Variants in RFFL observed in about 807,000 individuals in gnomAD.
RFFL encodes E3 ubiquitin-protein ligase rififylin.
RFFL carries 16 observed loss-of-function variants against 40.4 expected under a neutral mutation model. That is an observed-to-expected ratio of 0.40 (90% CI 0.27 to 0.60). The LOEUF is 0.60. RFFL is among the 20% of genes least tolerant of loss of function. The pLI, the probability that RFFL is intolerant of heterozygous loss-of-function variation, is 0.47. For synonymous variants in RFFL, 154 were observed against 167.9 expected (o/e 0.92, Z 0.64); for missense variants, 367 against 451.7 (o/e 0.81, Z 1.70).
At chr17:35,069,283 G>T in intron 1 of RFFL, 1 of 456,644 alleles carries the variant, frequency 2.2e-6, no homozygotes, top group South Asian at 1.5e-5. Context: ...AATGCCCCAA[G>T]ATTAACTTAC....
intron 1 of RFFL, among the ~76,000 whole-genome samples, chr17:35,078,405 C>T (rs190588360): frequency 8.5e-5 from 13 of 152,262 alleles, no homozygotes; most frequent in Admixed American, 7.2e-4. Context: ...TGGACTCAAG[C>T]AATCCTCCCA....
intron 1 of RFFL, among the ~76,000 whole-genome samples, chr17:35,039,965 G>A (rs1012319690): frequency 3.3e-5 from 5 of 151,890 alleles, no homozygotes; most frequent in South Asian, 2.1e-4. Flanking sequence ...ATGAGCCACC[G>A]CATCTGGCCG....
chr17:35,071,620 C>CA (rs879638343), intron 1 of RFFL, among the ~76,000 whole-genome samples: 248 of 132,656 alleles, frequency 1.9e-3, no homozygotes, highest in African/African-American at 4.1e-3. Flanking sequence ...AGACACTGTC[C>CA]AAAAAAAAAA....
Position 35,012,168 on chromosome 17 carries a change from C to G in RFFL, c.911-19G>C, listed in dbSNP as rs1406394701. The G allele has an allele frequency of 6.2e-7, 1 of 1,602,218 alleles. No homozygotes were observed. The highest frequency in any genetic ancestry group is 1.4e-5 in the African/African-American group (1 of 74,052). ...GCTCCCCCTGTACAAACACACAGGG[C>G]AGAAAAAAAGGGGCAGAGGAGTGAG... On this transcript the variant is annotated intron_variant, in intron 6 of 6. Coordinates refer to ENST00000394597, the MANE Select transcript of RFFL (RefSeq NM_001017368.2).
intron 1 of RFFL, among the ~76,000 whole-genome samples, chr17:35,028,423 T>C (rs2091058046): frequency 6.6e-6 from 1 of 152,088 alleles, no homozygotes; most frequent in Admixed American, 6.5e-5. Context: ...TGATGATTTT[T>C]ACGATCACAA....
intron 1 of RFFL, among the ~76,000 whole-genome samples, chr17:35,049,752 C>T (rs1320719660): frequency 6.6e-6 from 1 of 152,096 alleles, no homozygotes; most frequent in South Asian, 2.1e-4. Context: ...AAAAGATAGG[C>T]TAAAAATTCT....
intron 1 of RFFL, among the ~76,000 whole-genome samples, chr17:35,080,831 T>C (rs1000671875): frequency 6.6e-6 from 1 of 152,240 alleles, no homozygotes; most frequent in African/African-American, 2.4e-5. Context: ...TAGAAACAAG[T>C]GACTGTCCCA....
At chr17:35,087,786 T>C (rs553351228) in intron 1 of RFFL, among the ~76,000 whole-genome samples, 30 of 152,368 alleles carry the variant, frequency 2.0e-4, no homozygotes, top group African/African-American at 6.7e-4. Flanking sequence ...AATTCAGAAT[T>C]AGGAAATATA....
intron 1 of RFFL, among the ~76,000 whole-genome samples, chr17:35,057,873 T>C (rs949541594): frequency 6.6e-6 from 1 of 151,946 alleles, no homozygotes; most frequent in African/African-American, 2.4e-5. Context: ...ACTTATTCAT[T>C]CAACAAGTAC....
intron 1 of RFFL, among the ~76,000 whole-genome samples, chr17:35,034,244 A>G (rs1304276955): frequency 6.6e-6 from 1 of 152,106 alleles, no homozygotes; most frequent in East Asian, 1.9e-4. Flanking sequence ...CTGAGGACAG[A>G]GGATCACTTG....
intron 1 of RFFL, among the ~76,000 whole-genome samples, chr17:35,053,446 T>C (rs1038137746): frequency 1.1e-4 from 17 of 152,254 alleles, no homozygotes; most frequent in Middle Eastern, 3.4e-3. Context: ...ATACTAGAGA[T>C]AGGTGACACA....
intron 2 of RFFL, among the ~76,000 whole-genome samples, chr17:35,023,020 C>T (rs1396011241): frequency 1.3e-5 from 2 of 152,220 alleles, no homozygotes; most frequent in Admixed American, 1.3e-4. Context: ...AGCACAGTGA[C>T]ATCCGGCTGA....
chr17:35,063,804 G>A (rs2091307518), upstream of RFFL: 1 of 152,234 alleles, frequency 6.6e-6, no homozygotes, highest in African/African-American at 2.4e-5. Flanking sequence ...GGCAAAATTT[G>A]TACTTCCCAA....
chr17:35,065,493 T>C (rs1183309303), upstream of RFFL, among the ~76,000 whole-genome samples: 7 of 147,978 alleles, frequency 4.7e-5, no homozygotes, highest in East Asian at 1.4e-3. Context: ...GAGGCAGAGG[T>C]TGCAGTCAGC....
intron 1 of RFFL, among the ~76,000 whole-genome samples, chr17:35,050,640 T>G (rs922594431): frequency 6.7e-6 from 1 of 148,798 alleles, no homozygotes; most frequent in Non-Finnish European, 1.5e-5. Context: ...ATTACAGGCA[T>G]GAGCCACTCC....
At chr17:35,067,956 T>C (rs1001794185), upstream of RFFL, among the ~76,000 whole-genome samples, 2 of 152,206 alleles carry the variant, frequency 1.3e-5, no homozygotes, top group African/African-American at 4.8e-5. Flanking sequence ...CTGTATTCAC[T>C]TTGTTGGTTG....
At position 35,021,790 on chromosome 17, in the gene RFFL, A is replaced by G; in HGVS notation, c.181-9T>C. On this transcript the variant is annotated splice_polypyrimidine_tract_variant and intron_variant, in intron 2 of 6. Transcript: ENST00000394597. ...CAGTCCAAGCAGGTCTGCTGCTTAG[A>G]GCAAAAGACACAGGAAACCATGTCA... 1.2e-6 allele frequency: 2 copies of G among 1,614,162 alleles called. No homozygotes were observed. Among genetic ancestry groups the G allele is most frequent in the Non-Finnish European group, 1.7e-6 (2 of 1,180,006 alleles).
At chr17:35,036,573 T>C (rs796365568) in intron 1 of RFFL, 2 of 152,240 alleles carry the variant, frequency 1.3e-5, no homozygotes, top group South Asian at 4.1e-4. Flanking sequence ...AAACATTTAC[T>C]ATTCCCTGTG....
rs368361575 is a variant in RFFL, at chr17:35,041,962, C to A, written c.-8-15401G>T. Among the ~76,000 whole-genome samples, 216 of 152,240 alleles carry A rather than the reference C, an allele frequency of 1.4e-3. 1 individual carries two copies. The highest frequency in any genetic ancestry group is 5.1e-3 in the African/African-American group (213 of 41,538). On this transcript the variant is annotated intron_variant, in intron 1 of 6. Transcript: ENST00000394597. Reference sequence around the variant, plus strand: ...CCCGGGAGGCAGAGGTTGCAGTGAGCCAAGATCACACCACTGCACTCCAGC... The same window carrying A: ...CCCGGGAGGCAGAGGTTGCAGTGAGACAAGATCACACCACTGCACTCCAGC...
Sources: allele counts gnomAD v4.1 joint callset (sites outside exome capture counted in the v4.1 genomes callset), GRCh38; gene constraint gnomAD v4.1.1; transcripts MANE v1.5; gene names NCBI Gene and HGNC (gene_info 2026-07-23, HGNC 2026-07-21).